The following FRMD3 variants were observed in gnomAD, a reference collection of about 807,000 sequenced individuals.
FRMD3 encodes FERM domain containing 3, also known as FERM domain-containing protein 3.
A neutral mutation model predicts 70.2 loss-of-function variants in FRMD3; 33 were observed. That is an observed-to-expected ratio of 0.47 (90% CI 0.36 to 0.63). The LOEUF (loss-of-function observed/expected upper bound fraction) is 0.63. FRMD3 is among the 20% of genes least tolerant of loss of function. The pLI, the probability that FRMD3 is intolerant of heterozygous loss-of-function variation, is 0.00. For missense variants in FRMD3, 632 were observed against 711.4 expected (o/e 0.89, Z 1.27); for synonymous variants, 279 against 255.9 (o/e 1.09, Z -0.86).
intron 1 of FRMD3, among the ~76,000 whole-genome samples, chr9:83,444,823 G>A (rs1328358305): frequency 1.3e-5 from 2 of 152,106 alleles, no homozygotes; most frequent in Non-Finnish European, 2.9e-5. Context: ...TCTTCCACGG[G>A]AACTGATGGA....
intron 1 of FRMD3, among the ~76,000 whole-genome samples, chr9:83,413,428 C>CAGAA (rs1305885886): frequency 6.6e-6 from 1 of 152,156 alleles, no homozygotes; most frequent in Non-Finnish European, 1.5e-5. Flanking sequence ...CATAGATGGG[C>CAGAA]AGAAATACAA....
chr9:83,366,857 T>C (rs1587778847), intron 3 of FRMD3, among the ~76,000 whole-genome samples: 2 of 152,096 alleles, frequency 1.3e-5, no homozygotes, highest in South Asian at 4.1e-4. Context: ...TCCACAGTTA[T>C]GTAGTCAAGG....
At chr9:83,292,550 C>T (rs1305996952) in intron 12 of FRMD3, among the ~76,000 whole-genome samples, 1 of 152,202 alleles carries the variant, frequency 6.6e-6, no homozygotes, top group African/African-American at 2.4e-5. Flanking sequence ...ACAATAGTTA[C>T]ATATCTATGT....
At chr9:83,466,469 C>T (rs933900706) in intron 1 of FRMD3, among the ~76,000 whole-genome samples, 5 of 152,102 alleles carry the variant, frequency 3.3e-5, no homozygotes, top group African/African-American at 1.2e-4. Context: ...TTCAGTTGCA[C>T]CTTTTTTGCT....
chr9:83,583,735 A>T, the FRMD3 span, among the ~76,000 whole-genome samples: 1 of 152,076 alleles, frequency 6.6e-6, no homozygotes, highest in Non-Finnish European at 1.5e-5. Context: ...CAGCCTCCCA[A>T]GTAGCTGGGA....
chr9:83,301,151 G>C (rs373799960), intron 10 of FRMD3, among the ~76,000 whole-genome samples: 2 of 152,142 alleles, frequency 1.3e-5, no homozygotes, highest in African/African-American at 2.4e-5. Context: ...CCCTGGGGGG[G>C]GCCCTGCAGT....
At chr9:83,439,876 A>C (rs1827246644) in intron 1 of FRMD3, among the ~76,000 whole-genome samples, 1 of 152,224 alleles carries the variant, frequency 6.6e-6, no homozygotes, top group Non-Finnish European at 1.5e-5. Flanking sequence ...TATAAAATAA[A>C]ATAAGGAGAA....
In FRMD3 at chr9:83,247,110, C is replaced by G. The variant is rs1832143212; in HGVS notation, c.*808G>C. 2.0e-6 allele frequency: 2 copies of G among 985,412 alleles called. No individual in the cohort carries two copies. Among genetic ancestry groups the G allele is most frequent in the South Asian group, 9.4e-5 (2 of 21,286 alleles). 61.0% of individuals were successfully genotyped at this position (985,412 alleles called of 1,614,324 possible). A position where few individuals can be genotyped will look rare whatever the true frequency, so the allele number is the denominator to read the frequency against. On this transcript the variant is annotated 3_prime_UTR_variant, in exon 14 of 14. Coordinates refer to ENST00000304195, the MANE Select transcript of FRMD3 (RefSeq NM_174938.6). Reference sequence around the variant, plus strand: ...AATACAAATGAAAATAACAAGTCCTCTTGTCCAAATACTTTGAAAAATGGA... The same window carrying G: ...AATACAAATGAAAATAACAAGTCCTGTTGTCCAAATACTTTGAAAAATGGA...
At chr9:83,447,066 C>T (rs1423721010) in intron 1 of FRMD3, among the ~76,000 whole-genome samples, 1 of 152,022 alleles carries the variant, frequency 6.6e-6, no homozygotes, top group Non-Finnish European at 1.5e-5. Flanking sequence ...CCTTGTCACC[C>T]AGGCTGGGCT....
chr9:83,485,224 T>C (rs10746711), intron 1 of FRMD3, among the ~76,000 whole-genome samples: 29,087 of 152,116 alleles, frequency 0.19, 3,551 homozygotes, highest in African/African-American at 0.35. Context: ...CGTGTACTTA[T>C]AGTTAATAAT....
At chr9:83,507,881 C>T (rs1587495143) in intron 1 of FRMD3, among the ~76,000 whole-genome samples, 1 of 150,294 alleles carries the variant, frequency 6.7e-6, no homozygotes, top group East Asian at 1.9e-4. Flanking sequence ...ATACATGAAC[C>T]AGTAACATAG....
intron 13 of FRMD3, among the ~76,000 whole-genome samples, chr9:83,261,425 A>T (rs1832987203): frequency 6.6e-6 from 1 of 152,096 alleles, no homozygotes; most frequent in South Asian, 2.1e-4. Context: ...AAAGTCTCCA[A>T]TGATCACCAT....
chr9:83,500,502 GCACACA>G (rs3084172), intron 1 of FRMD3, among the ~76,000 whole-genome samples: 50 of 143,810 alleles, frequency 3.5e-4, no homozygotes, highest in East Asian at 9.4e-4. Flanking sequence ...GTGTATGCGC[GCACACA>G]CACACACACA....
chr9:83,555,900 G>A, the FRMD3 span, among the ~76,000 whole-genome samples: 8 of 152,208 alleles, frequency 5.3e-5, no homozygotes, highest in Admixed American at 2.0e-4. Flanking sequence ...TGGGAGAAGC[G>A]TGGTTTCCCG....
At chr9:83,398,506 G>A (rs1280249987) in intron 1 of FRMD3, among the ~76,000 whole-genome samples, 1 of 152,194 alleles carries the variant, frequency 6.6e-6, no homozygotes, top group East Asian at 1.9e-4. Flanking sequence ...ATTTTCAAAT[G>A]TATGGAAGAT....
chr9:83,345,972 C>CT, intron 4 of FRMD3, among the ~76,000 whole-genome samples: 1 of 151,722 alleles, frequency 6.6e-6, no homozygotes, highest in Non-Finnish European at 1.5e-5. Flanking sequence ...AAAGTGAAAA[C>CT]AGGGCAGGGC....
chr9:83,530,235 A>T (rs1829766475), intron 1 of FRMD3, among the ~76,000 whole-genome samples: 1 of 152,214 alleles, frequency 6.6e-6, no homozygotes. Context: ...ATCAACCCAA[A>T]TGTTCAACTA....
chr9:83,441,536 C>T (rs781587845), intron 1 of FRMD3, among the ~76,000 whole-genome samples: 3 of 152,108 alleles, frequency 2.0e-5, no homozygotes, highest in Non-Finnish European at 4.4e-5. Flanking sequence ...GGCACTGGAC[C>T]CCAGCCAGAA....
At chr9:83,374,063 T>C (rs1264697912) in intron 2 of FRMD3, among the ~76,000 whole-genome samples, 1 of 152,160 alleles carries the variant, frequency 6.6e-6, no homozygotes, top group Non-Finnish European at 1.5e-5. Flanking sequence ...CCACTCCACT[T>C]ACAAATAAGA....
Sources: gnomAD v4.1 joint callset for allele counts (sites outside exome capture counted in the v4.1 genomes callset) on GRCh38, gnomAD v4.1.1 for gene constraint, MANE v1.5 for transcripts, NCBI Gene and HGNC (gene_info 2026-07-23, HGNC 2026-07-21) for gene names.